ATP11A: variants seen among roughly 807,000 people sequenced by gnomAD.
The protein encoded by ATP11A is phospholipid-transporting ATPase IH.
A neutral mutation model predicts 154.4 loss-of-function variants in ATP11A; 81 were observed. That is an observed-to-expected ratio of 0.52 (90% CI 0.44 to 0.63). The LOEUF (loss-of-function observed/expected upper bound fraction) is 0.63, where lower values mean the gene tolerates loss of function less well. Ranked by LOEUF, ATP11A falls within the 30% of genes least tolerant of loss-of-function variation. The pLI, the probability that ATP11A is intolerant of heterozygous loss-of-function variation, is 0.00. For synonymous variants in ATP11A, 623 were observed against 585.9 expected (o/e 1.06, Z -0.91); for missense variants, 1,316 against 1,474.3 (o/e 0.89, Z 1.76).
At chr13:112,873,365 AGCGGT>A in intron 26 of ATP11A, 1 of 525,538 alleles carries the variant, frequency 1.9e-6, no homozygotes, top group Non-Finnish European at 3.3e-6. Context: ...TGTCTTCCTG[AGCGGT>A]GTGAGGTGTG....
At chr13:112,712,602 C>G (rs560028329) in intron 1 of ATP11A, among the ~76,000 whole-genome samples, 30 of 152,226 alleles carry the variant, frequency 2.0e-4, no homozygotes, top group Non-Finnish European at 3.8e-4. Context: ...GGCTGGTCAG[C>G]TAGCGTCCAC....
chr13:112,768,647 G>A (rs1022974847), intron 1 of ATP11A, among the ~76,000 whole-genome samples: 2 of 152,200 alleles, frequency 1.3e-5, no homozygotes, highest in Non-Finnish European at 2.9e-5. Context: ...AAGGCGACAC[G>A]TATACTAACA....
At chr13:112,730,042 T>A (rs1463032639) in intron 1 of ATP11A, among the ~76,000 whole-genome samples, 1 of 152,220 alleles carries the variant, frequency 6.6e-6, no homozygotes, top group Non-Finnish European at 1.5e-5. Flanking sequence ...CATCTCTGTG[T>A]CCATGCTAAG....
intron 1 of ATP11A, among the ~76,000 whole-genome samples, chr13:112,770,049 G>A (rs796861784): frequency 1.3e-4 from 20 of 152,346 alleles, no homozygotes; most frequent in African/African-American, 4.3e-4. Flanking sequence ...AATCCTGGAC[G>A]TGCTGTGGGC....
At chr13:112,752,270 GGCA>G (rs1422784360) in intron 1 of ATP11A, among the ~76,000 whole-genome samples, 1 of 152,210 alleles carries the variant, frequency 6.6e-6, no homozygotes, top group East Asian at 1.9e-4. Flanking sequence ...AAGAAAATGG[GGCA>G]GGACAGTGGG....
intron 5 of ATP11A, among the ~76,000 whole-genome samples, chr13:112,813,502 T>C (rs1226055863): frequency 1.3e-5 from 2 of 152,234 alleles, no homozygotes; most frequent in Admixed American, 6.5e-5. Context: ...AGTTTCACCA[T>C]TCACAAGTTG....
At chr13:112,713,536 T>A (rs1001912579) in intron 1 of ATP11A, among the ~76,000 whole-genome samples, 1 of 152,220 alleles carries the variant, frequency 6.6e-6, no homozygotes, top group African/African-American at 2.4e-5. Flanking sequence ...GTGCACTGCA[T>A]AAGTGACAGA....
rs1024082787 is a variant in ATP11A at position 112,886,443 on chromosome 13, C to G, written c.*4577C>G. ...TATTTGACAACTCAGTGTCTAACAG[C>G]TTGATATGCAGGTCCTTGCATCCTA... On this transcript the variant is annotated 3_prime_UTR_variant, in exon 30 of 30. Transcript: ENST00000375645. 1 of 152,196 alleles carries G rather than the reference C, an allele frequency of 6.6e-6. No homozygotes were observed. Among genetic ancestry groups the G allele is most frequent in the Non-Finnish European group, 1.5e-5 (1 of 68,032 alleles). 9.4% of individuals were successfully genotyped at this position (152,196 alleles called of 1,614,324 possible). A position where few individuals can be genotyped will look rare whatever the true frequency, so the allele number is the denominator to read the frequency against.
intron 1 of ATP11A, among the ~76,000 whole-genome samples, chr13:112,764,336 A>AC (rs139382551): frequency 0.07 from 10,668 of 152,202 alleles, 1,264 homozygotes; most frequent in African/African-American, 0.24. Context: ...TCTGTCACAG[A>AC]CAGTGCACTG....
In ATP11A at chr13:112,875,038, C is replaced by T. The variant is rs1008880821; in HGVS notation, c.3162-738C>T. On this transcript the variant is annotated intron_variant, in intron 27 of 29. Transcript: ENST00000375645. This position sits in a 1 kb window ranked among gnomAD's most constrained non-coding sequence, Gnocchi z 4.1. ...CCGCTTGGTGATGAGACCCCATCCT[C>T]CTGCCCGCCACCAGCACCACGTGGG... Among the ~76,000 whole-genome samples, 1 of 152,220 alleles carries T rather than the reference C, an allele frequency of 6.6e-6. No individual in the cohort carries two copies. The highest frequency in any genetic ancestry group is 2.4e-5 in the African/African-American group (1 of 41,458).
intron 16 of ATP11A, among the ~76,000 whole-genome samples, chr13:112,841,435 C>T (rs1190133317): frequency 6.7e-6 from 1 of 149,394 alleles, no homozygotes; most frequent in Non-Finnish European, 1.5e-5. Flanking sequence ...TCCAGGGATG[C>T]TTCAGGTGCA....
chr13:112,793,699 A>T (rs1434728212), intron 2 of ATP11A, among the ~76,000 whole-genome samples: 1 of 152,224 alleles, frequency 6.6e-6, no homozygotes, highest in African/African-American at 2.4e-5. Context: ...CAGGACTGTC[A>T]GGTGGGCCCT....
At chr13:112,863,177 G>A (rs2080176765) in intron 25 of ATP11A, among the ~76,000 whole-genome samples, 2 of 144,448 alleles carry the variant, frequency 1.4e-5, no homozygotes, top group African/African-American at 2.6e-5. Context: ...TCCCAGCGGG[G>A]TCCATCACCA....
chr13:112,786,664 G>T (rs1278165029), intron 2 of ATP11A, among the ~76,000 whole-genome samples: 1 of 147,572 alleles, frequency 6.8e-6, no homozygotes, highest in Non-Finnish European at 1.5e-5. Context: ...AATGCGGAAC[G>T]CACGTGCCTG....
At chr13:112,858,014 A>AT (rs2079982100) in intron 21 of ATP11A, 94 bp downstream of exon 21, 3 of 1,558,318 alleles carry the variant, frequency 1.9e-6, no homozygotes, top group Middle Eastern at 3.7e-4. Flanking sequence ...CATTCAGGAC[A>AT]CCCCCGTCAC....
At chr13:112,724,726 T>TTTATG (rs1889623509) in intron 1 of ATP11A, among the ~76,000 whole-genome samples, 2 of 151,178 alleles carry the variant, frequency 1.3e-5, no homozygotes, top group African/African-American at 4.9e-5. Context: ...CCATCTTGAG[T>TTTATG]CTCCTCATTA....
chr13:112,816,491 C>T (rs1566523900), intron 6 of ATP11A, among the ~76,000 whole-genome samples: 1 of 152,108 alleles, frequency 6.6e-6, no homozygotes, highest in Non-Finnish European at 1.5e-5. Flanking sequence ...TAGAGTGCAA[C>T]AAATTAACAC....
chr13:112,872,737 A>G (rs976190037), intron 26 of ATP11A, among the ~76,000 whole-genome samples: 3 of 152,262 alleles, frequency 2.0e-5, no homozygotes, highest in African/African-American at 7.2e-5. Context: ...TGGGAAATAC[A>G]TCCATGGCTC....
rs1437996498 is a variant in ATP11A, at chr13:112,882,204, A to G, written c.*338A>G. On this transcript the variant is annotated 3_prime_UTR_variant, in exon 30 of 30. Coordinates refer to ENST00000375645, the MANE Select transcript of ATP11A (RefSeq NM_015205.3). The surrounding 1 kb of genome is among the most constrained non-coding windows in gnomAD (Gnocchi z 5.1). ...AGCACTGTGGTTGTTGAGCCACACC[A>G]GTGGCCTCTGGGCATTCGGCTCAAC... The G allele has an allele frequency of 2.3e-5, 26 of 1,114,426 alleles. No homozygotes were observed. The highest frequency in any genetic ancestry group is 1.4e-5 in the Non-Finnish European group (12 of 837,710). 69.0% of individuals were successfully genotyped at this position (1,114,426 alleles called of 1,614,324 possible).
Sources: allele counts gnomAD v4.1 joint callset (sites outside exome capture counted in the v4.1 genomes callset), GRCh38; gene constraint gnomAD v4.1.1; non-coding constraint Gnocchi (gnomAD v3.1); transcripts MANE v1.5; gene names NCBI Gene and HGNC (gene_info 2026-07-23, HGNC 2026-07-21).